Variants in NRXN3 observed in about 807,000 individuals in gnomAD.
NRXN3 encodes neurexin 3, also known as neurexin III.
Under a neutral mutation model 137.6 loss-of-function variants are expected in NRXN3, and 32 were observed. That is an observed-to-expected ratio of 0.23 (90% CI 0.18 to 0.31). NRXN3 has a LOEUF of 0.31. Ranked by LOEUF, NRXN3 falls within the 10% of genes least tolerant of loss-of-function variation. The pLI is 1.00. For missense variants in NRXN3, 1,574 were observed against 2,062.5 expected (o/e 0.76, Z 4.59); for synonymous variants, 798 against 784.5 (o/e 1.02, Z -0.29).
intron 15 of NRXN3, among the ~76,000 whole-genome samples, chr14:79,006,579 TTTG>T (rs908364063): frequency 5.9e-5 from 9 of 152,218 alleles, no homozygotes; most frequent in African/African-American, 2.2e-4. Flanking sequence ...TAGCTTTTTT[TTTG>T]TTTTTACAAT....
intron 16 of NRXN3, among the ~76,000 whole-genome samples, chr14:79,566,686 T>A (rs1273251626): frequency 6.6e-6 from 1 of 152,174 alleles, no homozygotes; most frequent in Non-Finnish European, 1.5e-5. Context: ...GTGCCCTTCA[T>A]GTGGTAAGTA....
intron 15 of NRXN3, among the ~76,000 whole-genome samples, chr14:79,261,878 T>C (rs1203958585): frequency 6.6e-6 from 1 of 152,014 alleles, no homozygotes. Flanking sequence ...AGTTTGGGGC[T>C]AGTGGGCAAG....
intron 15 of NRXN3, among the ~76,000 whole-genome samples, chr14:79,204,348 C>T (rs1168901928): frequency 6.6e-6 from 1 of 151,682 alleles, no homozygotes; most frequent in Non-Finnish European, 1.5e-5. Context: ...CCTCCCTCTT[C>T]CAACAAATGC....
chr14:79,423,950 A>G (rs1287267888), intron 15 of NRXN3, among the ~76,000 whole-genome samples: 4 of 152,208 alleles, frequency 2.6e-5, no homozygotes, highest in Non-Finnish European at 5.9e-5. Flanking sequence ...TCTGATGGGA[A>G]TGCTGTAGGT....
chr14:79,703,989 A>G (rs1206701687), intron 19 of NRXN3, among the ~76,000 whole-genome samples: 2 of 152,068 alleles, frequency 1.3e-5, no homozygotes, highest in Non-Finnish European at 2.9e-5. Context: ...AATTTTGTTT[A>G]TACTCATACA....
chr14:79,832,365 C>T (rs2099326537), intron 20 of NRXN3, among the ~76,000 whole-genome samples: 1 of 152,122 alleles, frequency 6.6e-6, no homozygotes, highest in African/African-American at 2.4e-5. Flanking sequence ...TGGAACTAAA[C>T]ACTAGAGACA....
intron 20 of NRXN3, among the ~76,000 whole-genome samples, chr14:79,842,837 T>C (rs944703824): frequency 6.6e-6 from 1 of 152,170 alleles, no homozygotes; most frequent in African/African-American, 2.4e-5. Flanking sequence ...TCTTTAGACT[T>C]GTTCATCCTA....
rs535198121 is a variant in NRXN3, at chr14:78,366,456, T to C, written c.757+68596T>C. On this transcript the variant is annotated intron_variant, in intron 4 of 20. Transcript: ENST00000335750. ...CATCTGCTGAAAATATTAGAACTTA[T>C]AGAAAAACATAAAAGAAGTAATTTC... Among the ~76,000 whole-genome samples the C allele has an allele frequency of 8.7e-4, 133 of 152,318 alleles. 1 individual carries two copies. In the South Asian group the frequency reaches 0.025, roughly 29 times the overall value.
chr14:79,840,956 T>TG (rs2099354581), intron 20 of NRXN3, among the ~76,000 whole-genome samples: 1 of 152,166 alleles, frequency 6.6e-6, no homozygotes, highest in Admixed American at 6.5e-5. Context: ...ATTGAGCTTT[T>TG]GGAATGACTG....
intron 4 of NRXN3, among the ~76,000 whole-genome samples, chr14:78,463,539 A>C (rs1417801828): frequency 1.3e-5 from 2 of 150,426 alleles, no homozygotes; most frequent in Admixed American, 6.6e-5. Context: ...CCTTTCCTCC[A>C]TACCTTGTTG....
At chr14:79,546,507 G>A (rs181252317) in intron 16 of NRXN3, among the ~76,000 whole-genome samples, 1 of 152,116 alleles carries the variant, frequency 6.6e-6, no homozygotes, top group Non-Finnish European at 1.5e-5. Flanking sequence ...AGATGTTTGA[G>A]TTTCAAAGAT....
intron 15 of NRXN3, among the ~76,000 whole-genome samples, chr14:79,174,098 AT>A (rs2062057976): frequency 6.6e-6 from 1 of 152,116 alleles, no homozygotes; most frequent in Non-Finnish European, 1.5e-5. Flanking sequence ...CATTAGAGTT[AT>A]TTTACTATGG....
chr14:79,621,924 C>T (rs188297384), intron 16 of NRXN3, among the ~76,000 whole-genome samples: 13 of 152,170 alleles, frequency 8.5e-5, no homozygotes, highest in Admixed American at 1.3e-4. Context: ...CATGGAGATC[C>T]CTTGGATATT....
Position 78,179,598 on chromosome 14 carries a change from C to T in NRXN3, c.-704+8924C>T, listed in dbSNP as rs958992644. Among the ~76,000 whole-genome samples, 24 of 152,070 alleles carry T rather than the reference C, an allele frequency of 1.6e-4. 1 individual carries two copies. The highest frequency in any genetic ancestry group is 6.5e-5 in the Admixed American group (1 of 15,276). ...GAAGGGAACTAGGGCTGCCTCTTCCCCTGGCTCCAAATTTGGAATTGTCAA... is the reference window on the plus strand; with the variant it reads ...GAAGGGAACTAGGGCTGCCTCTTCCTCTGGCTCCAAATTTGGAATTGTCAA... On this transcript the variant is annotated intron_variant, in intron 1 of 20. Coordinates refer to ENST00000335750, the MANE Select transcript of NRXN3 (RefSeq NM_001330195.2).
rs537131619 is a variant in NRXN3, at chr14:79,126,136, C to A, written c.3262+137995C>A. Among the ~76,000 whole-genome samples the A allele has an allele frequency of 2.0e-5, 3 of 151,220 alleles. No homozygotes were observed. In the South Asian group the frequency reaches 6.4e-4, roughly 32 times the overall value. On this transcript the variant is annotated intron_variant, in intron 15 of 20. Coordinates refer to ENST00000335750, the MANE Select transcript of NRXN3 (RefSeq NM_001330195.2). Reference sequence around the variant, plus strand: ...TCAGTCTAATTTTAATTAACTTAAACTTTTTTTTTCCATAGTTCAGAGCAT... The same window carrying A: ...TCAGTCTAATTTTAATTAACTTAAAATTTTTTTTTCCATAGTTCAGAGCAT...
chr14:79,719,192 A>G (rs1395882147), intron 19 of NRXN3, among the ~76,000 whole-genome samples: 2 of 151,826 alleles, frequency 1.3e-5, no homozygotes, highest in Non-Finnish European at 2.9e-5. Context: ...TTTGGACATC[A>G]TTTAGTGTTC....
At position 79,471,976 on chromosome 14, in the gene NRXN3, G is replaced by A. The variant is rs1194890780; in HGVS notation, c.3444+4574G>A. 2.0e-5 allele frequency among the ~76,000 whole-genome samples: 3 copies of A among 152,010 alleles called. No homozygotes were observed. The East Asian group carries it at 5.8e-4, about 29-fold the overall frequency. ...TTAATATCCATTAGTTATTTTTCTT[G>A]ATCCTCTCCCTCCTCCCACCCTCCA... is the stretch of plus-strand genomic sequence containing the variant. On this transcript the variant is annotated intron_variant, in intron 16 of 20. Transcript: ENST00000335750.
chr14:79,014,047 C>G (rs573423599), intron 15 of NRXN3, among the ~76,000 whole-genome samples: 9 of 152,308 alleles, frequency 5.9e-5, no homozygotes, highest in African/African-American at 1.9e-4. Context: ...CACCATCATT[C>G]ACTAAAGTGG....
chr14:78,339,831 G>A (rs924053441), intron 4 of NRXN3, among the ~76,000 whole-genome samples: 6 of 152,092 alleles, frequency 3.9e-5, no homozygotes, highest in African/African-American at 1.2e-4. Context: ...AAGTAGATGA[G>A]GAGCACTGAG....
Sources: allele counts gnomAD v4.1 joint callset (sites outside exome capture counted in the v4.1 genomes callset), GRCh38; gene constraint gnomAD v4.1.1; transcripts MANE v1.5; gene names NCBI Gene and HGNC (gene_info 2026-07-23, HGNC 2026-07-21).